The following DAZAP1 variants were observed in gnomAD, a reference collection of about 807,000 sequenced individuals.
DAZAP1 encodes the protein DAZ-associated protein 1.
Under a neutral mutation model 60.1 loss-of-function variants are expected in DAZAP1, and 6 were observed. That is an observed-to-expected ratio of 0.10 (90% CI 0.05 to 0.20). The LOEUF (loss-of-function observed/expected upper bound fraction) is 0.20. Ranked by LOEUF, DAZAP1 falls within the 10% of genes least tolerant of loss-of-function variation. The pLI is 1.00. For missense variants in DAZAP1, 366 were observed against 560.4 expected (o/e 0.65, Z 3.50); for synonymous variants, 235 against 215.9 (o/e 1.09, Z -0.78).
chr19:1,432,665 G>C lies in DAZAP1; in HGVS notation c.1023G>C (p.Gln341His). Reference sequence around the variant, plus strand: ...ACATGAGCAAGCCCCCGACAGCTCAGCCAGACTTCCCCTATGGTCAGTATG... The same window carrying C: ...ACATGAGCAAGCCCCCGACAGCTCACCCAGACTTCCCCTATGGTCAGTATG... Reference protein sequence around the residue: ...APDMSKPPTAQPDFPYGQYAG... With the variant: ...APDMSKPPTAHPDFPYGQYAG... Residue 341 changes from glutamine to histidine, a missense_variant, in exon 11 of 12, where the codon CAG (glutamine) becomes CAC (histidine). Gln to His is a conservative substitution (Grantham distance 24). Around this residue, in one of 3 missense-constraint regions of DAZAP1, gnomAD observed 240 missense variants for 308.8 expected, o/e 0.78. Transcript: ENST00000233078. This position sits in a 1 kb window ranked among gnomAD's most constrained non-coding sequence, Gnocchi z 4.9. The C allele has an allele frequency of 6.2e-7, 1 of 1,610,598 alleles. No individual in the cohort carries two copies. The highest frequency in any genetic ancestry group is 1.3e-5 in the African/African-American group (1 of 75,016).
At position 1,434,899 on chromosome 19, in the gene DAZAP1, C is replaced by A; in HGVS notation, c.1211C>A (p.Pro404His). Residue 404 changes from proline (P) to histidine (H), a missense_variant, in exon 12 of 12, where the codon CCC (proline) becomes CAC (histidine). By Grantham distance (77) the Pro-to-His change is moderately conservative. Transcript: ENST00000233078. The surrounding 1 kb of genome is among the most constrained non-coding windows in gnomAD (Gnocchi z 8.0). ...AACCACAACGTGCAAGGGTTCCACC[C>A]CTACCGACGCTAGCCCGCGGCGCCG... ...GQNHNVQGFH[P>H]YRR 6.6e-7 allele frequency: 1 copy of A among 1,503,934 alleles called. No individual in the cohort carries two copies. Among genetic ancestry groups the A allele is most frequent in the Non-Finnish European group, 8.9e-7 (1 of 1,127,004 alleles). The allele number at this position is 1,503,934 out of a possible 1,614,324, so 93.2% of individuals were successfully genotyped here. A position where few individuals can be genotyped will look rare whatever the true frequency, so the allele number is the denominator to read the frequency against.
intron 10 of DAZAP1, chr19:1,431,966 CTCTGGCCTGG>C (rs1232072710): frequency 6.3e-6 from 1 of 159,106 alleles, no homozygotes. Context: ...CAGTTCCATC[CTCTGGCCTGG>C]ATCAGGCTCT....
chr19:1,430,138 GC>G (rs2083407379), intron 9 of DAZAP1, 83 bp from the exon 10 acceptor site: 16 of 1,518,156 alleles, frequency 1.1e-5, no homozygotes, highest in Non-Finnish European at 1.4e-5. Flanking sequence ...GCCTGCTAGG[GC>G]CCCTGGCAGG....
intron 1 of DAZAP1, among the ~76,000 whole-genome samples, chr19:1,408,117 C>T (rs1345690031): frequency 6.6e-6 from 1 of 150,944 alleles, no homozygotes; most frequent in Non-Finnish European, 1.5e-5. Context: ...CGAACGGCAA[C>T]CTGGGGGGGT....
chr19:1,433,908 G>A lies in DAZAP1; in HGVS notation c.1049-829G>A, dbSNP rs972126392. ...CGTGGCTTCCTCTGCCGTCCCGGGCGGGGGTGGACGCTGGCGGTGCCCTCT... is the reference window on the plus strand; with the variant it reads ...CGTGGCTTCCTCTGCCGTCCCGGGCAGGGGTGGACGCTGGCGGTGCCCTCT... On this transcript the variant is annotated intron_variant, in intron 11 of 11. Transcript: ENST00000233078. The surrounding 1 kb of genome is among the most constrained non-coding windows in gnomAD (Gnocchi z 6.1). 2.0e-5 allele frequency: 26 copies of A among 1,309,994 alleles called. No homozygotes were observed. In the East Asian group the frequency reaches 2.1e-4, roughly 11 times the overall value. 81.1% of individuals were successfully genotyped at this position (1,309,994 alleles called of 1,614,324 possible).
rs2082986296 is a variant in DAZAP1, at chr19:1,416,382, G to A, written c.30-1118G>A. On this transcript the variant is annotated intron_variant, in intron 1 of 11. Transcript: ENST00000233078. The surrounding 1 kb of genome is among the most constrained non-coding windows in gnomAD (Gnocchi z 4.3). ...TTGCTCTCTGGAGACCAAGGGTGAT[G>A]ATGGTGCTGGCACTGAGTCACAGCT... The A allele has an allele frequency of 6.6e-6, 1 of 152,302 alleles. No individual in the cohort carries two copies. The highest frequency in any genetic ancestry group is 1.5e-5 in the Non-Finnish European group (1 of 68,096). The allele number at this position is 152,302 out of a possible 1,614,324, so 9.4% of individuals were successfully genotyped here.
At position 1,425,723 on chromosome 19, in the gene DAZAP1, G is replaced by T. The variant is rs1278315414; in HGVS notation, c.464-155G>T. On this transcript the variant is annotated intron_variant, in intron 6 of 11. Coordinates refer to ENST00000233078, the MANE Select transcript of DAZAP1 (RefSeq NM_018959.4). The surrounding 1 kb of genome is among the most constrained non-coding windows in gnomAD (Gnocchi z 5.4). ...GTGTGCAGTCGAGTGGTGGCTCCTG[G>T]GGAGGGAGGCAGCTGCCCCAGGGGC... 6.6e-6 allele frequency among the ~76,000 whole-genome samples: 1 copy of T among 152,164 alleles called. No individual in the cohort carries two copies. The highest frequency in any genetic ancestry group is 1.9e-4 in the East Asian group (1 of 5,202).
chr19:1,418,156 A>C lies in DAZAP1; in HGVS notation c.71-48A>C, dbSNP rs1451655242. 3 of 1,604,884 alleles carry C rather than the reference A, an allele frequency of 1.9e-6. No individual in the cohort carries two copies. The highest frequency in any genetic ancestry group is 2.6e-6 in the Non-Finnish European group (3 of 1,173,088). ...CGGCAGCACTGCCAGGCACGTGCCT[A>C]ATGCTCTGGCCCTGTGTGTTTGTGT... On this transcript the variant is annotated intron_variant, in intron 2 of 11. Transcript: ENST00000233078. This position sits in a 1 kb window ranked among gnomAD's most constrained non-coding sequence, Gnocchi z 5.7.
rs530423915 is a variant in DAZAP1 at position 1,418,026 on chromosome 19, C to T, written c.71-178C>T. On this transcript the variant is annotated intron_variant, in intron 2 of 11. Transcript: ENST00000233078. This position sits in a 1 kb window ranked among gnomAD's most constrained non-coding sequence, Gnocchi z 5.7. ...GGCAGCCCCTGATTTACGTGAGGAC[C>T]TCAAGTGTGTGTTGGGCAGAATTCC... Among the ~76,000 whole-genome samples, 1 of 152,290 alleles carries T rather than the reference C, an allele frequency of 6.6e-6. No individual in the cohort carries two copies. Among genetic ancestry groups the T allele is most frequent in the African/African-American group, 2.4e-5 (1 of 41,556 alleles).
At chr19:1,421,958 C>T (rs533009287) in intron 5 of DAZAP1, among the ~76,000 whole-genome samples, 11 of 152,326 alleles carry the variant, frequency 7.2e-5, no homozygotes, top group East Asian at 1.9e-4. Context: ...GAGGGCCGAG[C>T]GTGCCCTTTG....
intron 1 of DAZAP1, among the ~76,000 whole-genome samples, chr19:1,410,263 G>A (rs2082788779): frequency 6.6e-6 from 1 of 152,192 alleles, no homozygotes; most frequent in African/African-American, 2.4e-5. Context: ...AGCTTGAGGG[G>A]GGCTTCATGC....
intron 1 of DAZAP1, among the ~76,000 whole-genome samples, chr19:1,414,985 C>T (rs1600193831): frequency 2.6e-5 from 4 of 151,844 alleles, no homozygotes; most frequent in African/African-American, 9.7e-5. Flanking sequence ...CACCTGGAGT[C>T]TCGTTACGTT....
intron 10 of DAZAP1, among the ~76,000 whole-genome samples, chr19:1,430,956 T>C (rs996368278): frequency 6.3e-4 from 94 of 148,248 alleles, no homozygotes; most frequent in African/African-American, 2.1e-3. Context: ...CTCCTGACCT[T>C]GTGATCCGCC....
rs1336666027 is a variant in DAZAP1, at chr19:1,433,911, G to C, written c.1049-826G>C. ...GGCTTCCTCTGCCGTCCCGGGCGGG[G>C]GTGGACGCTGGCGGTGCCCTCTGGG... On this transcript the variant is annotated intron_variant, in intron 11 of 11. Transcript: ENST00000233078. The surrounding 1 kb of genome is among the most constrained non-coding windows in gnomAD (Gnocchi z 6.1). 6.8e-5 allele frequency: 87 copies of C among 1,275,926 alleles called. No individual in the cohort carries two copies. The highest frequency in any genetic ancestry group is 9.1e-5 in the Non-Finnish European group (80 of 883,652). 79.0% of individuals were successfully genotyped at this position (1,275,926 alleles called of 1,614,324 possible).
rs1318498357 is a variant in DAZAP1 at position 1,422,622 on chromosome 19, T to A, written c.463+226T>A. On this transcript the variant is annotated intron_variant, in intron 6 of 11. Coordinates refer to ENST00000233078, the MANE Select transcript of DAZAP1 (RefSeq NM_018959.4). This position sits in a 1 kb window ranked among gnomAD's most constrained non-coding sequence, Gnocchi z 4.5. The stretch of plus-strand genomic sequence containing the variant: ...CACATTGTTTTTTGGCTTGTTCTTT[T>A]GAAGTTTTTACGACTTGTCATGAGT... Among the ~76,000 whole-genome samples the A allele has an allele frequency of 6.6e-6, 1 of 152,186 alleles. No individual in the cohort carries two copies. The highest frequency in any genetic ancestry group is 1.5e-5 in the Non-Finnish European group (1 of 68,032).
chr19:1,414,406 C>T (rs1298018012), intron 1 of DAZAP1, among the ~76,000 whole-genome samples: 2 of 152,118 alleles, frequency 1.3e-5, no homozygotes, highest in Non-Finnish European at 2.9e-5. Context: ...TCTATTGTTT[C>T]CCAAGAACAA....
At position 1,418,778 on chromosome 19, in the gene DAZAP1, G is replaced by A. The variant is rs759947170; in HGVS notation, c.303+47G>A. On this transcript the variant is annotated intron_variant, in intron 4 of 11. Transcript: ENST00000233078. The surrounding 1 kb of genome is among the most constrained non-coding windows in gnomAD (Gnocchi z 5.7). ...CCTCCTTGTGTGTTCTCCACTCCACGTGGAAAGGAAATGCGTGCCTTCAAT... is the reference window on the plus strand; with the variant it reads ...CCTCCTTGTGTGTTCTCCACTCCACATGGAAAGGAAATGCGTGCCTTCAAT... The A allele has an allele frequency of 4.6e-6, 7 of 1,534,002 alleles. No individual in the cohort carries two copies. Among genetic ancestry groups the A allele is most frequent in the African/African-American group, 2.8e-5 (2 of 71,628 alleles).
rs1161629428 is a variant in DAZAP1, at chr19:1,422,288, C to T, written c.415-60C>T. On this transcript the variant is annotated intron_variant, in intron 5 of 11. Transcript: ENST00000233078. The surrounding 1 kb of genome is among the most constrained non-coding windows in gnomAD (Gnocchi z 4.5). ...GGTTCGTGGGAACAGGCTGTGCCCT[C>T]GGAAGACCACCTGTGGTGCTGGCCC... 22 of 1,528,366 alleles carry T rather than the reference C, an allele frequency of 1.4e-5. No homozygotes were observed. The highest frequency in any genetic ancestry group is 6.8e-5 in the East Asian group (3 of 44,380). 94.7% of individuals were successfully genotyped at this position (1,528,366 alleles called of 1,614,324 possible). A position where few individuals can be genotyped will look rare whatever the true frequency, so the allele number is the denominator to read the frequency against.
chr19:1,407,675 G>T lies in DAZAP1; in HGVS notation c.-99G>T. The T allele has an allele frequency of 1.2e-6, 1 of 809,836 alleles. No individual in the cohort carries two copies. Among genetic ancestry groups the T allele is most frequent in the Non-Finnish European group, 1.5e-6 (1 of 673,738 alleles). The allele number at this position is 809,836 out of a possible 1,614,324, so 50.2% of individuals were successfully genotyped here. On this transcript the variant is annotated 5_prime_UTR_variant, in exon 1 of 12. Coordinates refer to ENST00000233078, the MANE Select transcript of DAZAP1 (RefSeq NM_018959.4). ...GCCGCCGCCGCCGTTGCGCAGATCCGGGCCGCGGCTGTGGGGAGGGCGACG... is the reference window on the plus strand; with the variant it reads ...GCCGCCGCCGCCGTTGCGCAGATCCTGGCCGCGGCTGTGGGGAGGGCGACG...
Sources: gnomAD v4.1 joint callset for allele counts (sites outside exome capture counted in the v4.1 genomes callset) on GRCh38, gnomAD v4.1.1 for gene constraint, gnomAD v4.1.1 regional missense constraint, Gnocchi (gnomAD v3.1) non-coding constraint, MANE v1.5 for transcripts, NCBI Gene and HGNC (gene_info 2026-07-23, HGNC 2026-07-21) for gene names.